TBC1D8: variants seen among roughly 807,000 people sequenced by gnomAD.
TBC1D8 encodes the protein TBC1 domain family member 8, also known as BUB2-like protein 1.
TBC1D8 carries 65 observed loss-of-function variants against 118.8 expected under a neutral mutation model. That is an observed-to-expected ratio of 0.55 (90% confidence interval 0.45 to 0.67). TBC1D8 has a LOEUF of 0.67. Among genes scored for constraint, TBC1D8 ranks in the 30% least tolerant of loss-of-function variants. TBC1D8 has a pLI of 0.00. For missense variants in TBC1D8, 1,376 were observed against 1,471.2 expected (o/e 0.94, Z 1.06); for synonymous variants, 566 against 595.8 (o/e 0.95, Z 0.73).
chr2:101,113,767 A>C (rs1376813991), intron 1 of TBC1D8, among the ~76,000 whole-genome samples: 1 of 152,224 alleles, frequency 6.6e-6, no homozygotes, highest in Non-Finnish European at 1.5e-5. Context: ...CAAAGGGGTC[A>C]GTGAAGGAAG....
At chr2:101,130,417 G>A (rs1678542585) in intron 1 of TBC1D8, among the ~76,000 whole-genome samples, 1 of 152,196 alleles carries the variant, frequency 6.6e-6, no homozygotes, top group Non-Finnish European at 1.5e-5. Flanking sequence ...GTGAGAAGGT[G>A]CCAGAAAGAC....
At chr2:101,075,728 A>C (rs1247811365) in intron 2 of TBC1D8, among the ~76,000 whole-genome samples, 1 of 152,186 alleles carries the variant, frequency 6.6e-6, no homozygotes, top group African/African-American at 2.4e-5. Flanking sequence ...CTGTGAGTCA[A>C]TTAAACCTCT....
intron 1 of TBC1D8, among the ~76,000 whole-genome samples, chr2:101,094,727 G>A (rs577393641): frequency 6.6e-6 from 1 of 152,306 alleles, no homozygotes; most frequent in Non-Finnish European, 1.5e-5. Flanking sequence ...AAAGTGGACA[G>A]AGCAGCCATC....
intron 3 of TBC1D8, among the ~76,000 whole-genome samples, chr2:101,055,702 C>A (rs879300052): frequency 2.0e-5 from 3 of 152,178 alleles, no homozygotes; most frequent in Admixed American, 6.5e-5. Flanking sequence ...TTGCTAACAT[C>A]AGAAATCTGA....
At chr2:101,051,711 C>T (rs1460042193) in intron 4 of TBC1D8, among the ~76,000 whole-genome samples, 1 of 152,160 alleles carries the variant, frequency 6.6e-6, no homozygotes, top group South Asian at 2.1e-4. Flanking sequence ...AAAAAAAAAG[C>T]TCAACATCAC....
intron 3 of TBC1D8, among the ~76,000 whole-genome samples, chr2:101,057,356 G>A (rs930743291): frequency 1.3e-5 from 2 of 152,154 alleles, no homozygotes; most frequent in Non-Finnish European, 2.9e-5. Context: ...GCTTCTATGA[G>A]TTTCCCACAC....
chr2:101,102,502 C>A, intron 1 of TBC1D8, among the ~76,000 whole-genome samples: 1 of 150,060 alleles, frequency 6.7e-6, no homozygotes, highest in Non-Finnish European at 1.5e-5. Context: ...TCTAAGTACA[C>A]CAACTAAATG....
At chr2:101,073,296 A>AT (rs373693169) in intron 2 of TBC1D8, among the ~76,000 whole-genome samples, 942 of 75,928 alleles carry the variant, frequency 0.012, 11 homozygotes, top group South Asian at 0.048. Flanking sequence ...ATTTTATTTT[A>AT]TTTATTTTTT....
At chr2:101,061,187 CA>C (rs397785120) in intron 2 of TBC1D8, among the ~76,000 whole-genome samples, 616 of 52,496 alleles carry the variant, frequency 0.012, 1 homozygote, top group African/African-American at 0.037. Flanking sequence ...GACTCTGTCT[CA>C]AAAAAAAAAA....
intron 4 of TBC1D8, among the ~76,000 whole-genome samples, chr2:101,051,280 G>A (rs1383109894): frequency 6.6e-6 from 1 of 152,148 alleles, no homozygotes; most frequent in Non-Finnish European, 1.5e-5. Flanking sequence ...CCTAGTAATG[G>A]TATCGCTGAA....
At chr2:101,041,453 T>A (rs902746047) in intron 5 of TBC1D8, among the ~76,000 whole-genome samples, 16 of 152,208 alleles carry the variant, frequency 1.1e-4, no homozygotes, top group African/African-American at 3.9e-4. Flanking sequence ...ACATACTGCC[T>A]GATTCCATTA....
At position 101,142,551 on chromosome 2, in the gene TBC1D8, C is replaced by A. The variant is rs138771515; in HGVS notation, c.127+8576G>T. ...GAGAATGAATAAATAATAATACATT[C>A]ACTCAATGGATTACTACACATCCAT... On this transcript the variant is annotated intron_variant, in intron 1 of 19. Transcript: ENST00000409318. Among the ~76,000 whole-genome samples the A allele has an allele frequency of 3.4e-3, 517 of 152,242 alleles. 2 individuals carry two copies. Among genetic ancestry groups the A allele is most frequent in the Non-Finnish European group, 5.1e-3 (349 of 68,016 alleles).
chr2:101,054,345 C>T lies in TBC1D8; in HGVS notation c.403-9G>A, dbSNP rs577732095. On this transcript the variant is annotated splice_polypyrimidine_tract_variant and intron_variant, in intron 3 of 19. Transcript: ENST00000409318. ...TCCTCGGCTATCAGAGCCTGACACA[C>T]AGAGATGACAGTCCCTGCTCAGTGA... 1.3e-6 allele frequency: 2 copies of T among 1,554,430 alleles called. No homozygotes were observed. Among genetic ancestry groups the T allele is most frequent in the African/African-American group, 1.4e-5 (1 of 73,338 alleles).
chr2:101,136,949 T>C (rs564534863), intron 1 of TBC1D8, among the ~76,000 whole-genome samples: 1 of 152,230 alleles, frequency 6.6e-6, no homozygotes, highest in Non-Finnish European at 1.5e-5. Context: ...TACGCCTTTT[T>C]AAAGTGTTTC....
chr2:101,088,288 C>T (rs1005362327), intron 2 of TBC1D8, among the ~76,000 whole-genome samples: 1 of 151,932 alleles, frequency 6.6e-6, no homozygotes, highest in African/African-American at 2.4e-5. Context: ...CACACTCTCT[C>T]TCTCTTTTCT....
Position 101,007,550 on chromosome 2 carries a change from C to T in TBC1D8, c.*271G>A. 1 of 428,988 alleles carries T rather than the reference C, an allele frequency of 2.3e-6. No homozygotes were observed. The highest frequency in any genetic ancestry group is 4.2e-6 in the Non-Finnish European group (1 of 238,478). The allele number at this position is 428,988 out of a possible 1,614,324, so 26.6% of individuals were successfully genotyped here. On this transcript the variant is annotated 3_prime_UTR_variant, in exon 20 of 20. Transcript: ENST00000409318. ...CTGAGAGCAAAATCAACACTAGCAT[C>T]ACAGCAGAAGTGCCCATTTCAGCAA...
Position 101,009,516 on chromosome 2 carries a change from G to A in TBC1D8, c.3016-1243C>T, listed in dbSNP as rs908933045. ...GGAAACCTGAGTATGAACATGGCCC[G>A]TTTTGTTTGAAACATCATCTATAGA... is the stretch of plus-strand genomic sequence containing the variant. On this transcript the variant is annotated intron_variant, in intron 19 of 19. Coordinates refer to ENST00000409318, the MANE Select transcript of TBC1D8 (RefSeq NM_001330348.2). 2.6e-5 allele frequency among the ~76,000 whole-genome samples: 4 copies of A among 151,766 alleles called. No individual in the cohort carries two copies. In the South Asian group the frequency reaches 6.2e-4, roughly 24 times the overall value.
chr2:101,012,583 T>A (rs1381849508), intron 17 of TBC1D8, among the ~76,000 whole-genome samples: 1 of 151,104 alleles, frequency 6.6e-6, no homozygotes, highest in Non-Finnish European at 1.5e-5. Flanking sequence ...GATGCAATGG[T>A]CTAAAATTGA....
In TBC1D8 at chr2:101,037,712, CACAGCAAGAGAGACAGAG is replaced by C; in HGVS notation, c.1276-22_1276-5del. 6.2e-7 allele frequency: 1 copy of C among 1,612,452 alleles called. No individual in the cohort carries two copies. Among genetic ancestry groups the C allele is most frequent in the South Asian group, 1.1e-5 (1 of 91,088 alleles). On this transcript the variant is annotated splice_region_variant and splice_polypyrimidine_tract_variant and intron_variant, in intron 7 of 19. Coordinates refer to ENST00000409318, the MANE Select transcript of TBC1D8 (RefSeq NM_001330348.2). ...TTGAATGAAACACGAGTGAAGCCTG[CACAGCAAGAGAGACAGAG>C]ACAGAGAGAGAGAGGAGAGGAGAAA...
Sources: gnomAD v4.1 joint callset for allele counts (sites outside exome capture counted in the v4.1 genomes callset) on GRCh38, gnomAD v4.1.1 for gene constraint, MANE v1.5 for transcripts, NCBI Gene and HGNC (gene_info 2026-07-23, HGNC 2026-07-21) for gene names.